The following TBC1D14 variants were observed in gnomAD, a reference collection of about 807,000 sequenced individuals.
TBC1D14 encodes the protein TBC1 domain family member 14, also known as TBC1 domain family, member 14.
In TBC1D14, 26 loss-of-function variants were observed where a neutral mutation model predicts 79.0. The ratio of observed to expected loss-of-function variants is 0.33; its 90% confidence interval spans 0.24 to 0.46. The LOEUF is 0.46. TBC1D14 is among the 20% of genes least tolerant of loss of function. The pLI is 1.00. For missense variants in TBC1D14, 769 were observed against 887.6 expected (o/e 0.87, Z 1.70); for synonymous variants, 394 against 349.9 (o/e 1.13, Z -1.40).
Position 6,994,444 on chromosome 4 carries a change from A to C in TBC1D14, c.962+142A>C, listed in dbSNP as rs931444137. On this transcript the variant is annotated intron_variant, in intron 4 of 13. Coordinates refer to ENST00000409757, the MANE Select transcript of TBC1D14 (RefSeq NM_020773.3). Reference sequence around the variant, plus strand: ...ATCACTTCTTATTCTCTATATTAACATGTGTTCTGTAATTATATTAAATGA... The same window carrying C: ...ATCACTTCTTATTCTCTATATTAACCTGTGTTCTGTAATTATATTAAATGA... 3 of 715,810 alleles carry C rather than the reference A, an allele frequency of 4.2e-6. No individual in the cohort carries two copies. In the Admixed American group the frequency reaches 6.9e-5, roughly 16 times the overall value. The allele number at this position is 715,810 out of a possible 1,614,324, so 44.3% of individuals were successfully genotyped here. A position where few individuals can be genotyped will look rare whatever the true frequency, so the allele number is the denominator to read the frequency against.
chr4:6,998,890 G>C, intron 5 of TBC1D14, 195 bp from the exon 6 acceptor site: 1 of 568,034 alleles, frequency 1.8e-6, no homozygotes, highest in South Asian at 2.0e-5. Context: ...GTTAGACTTT[G>C]CAAGCTTACT....
chr4:6,949,334 AGGGTTTGGTTT>A (rs1713796818), intron 2 of TBC1D14, among the ~76,000 whole-genome samples: 1 of 152,122 alleles, frequency 6.6e-6, no homozygotes, highest in South Asian at 2.1e-4. Context: ...TAAATTTGCA[AGGGTTTGGTTT>A]GGGATTGCAT....
At chr4:6,921,497 A>G (rs761214956) in intron 1 of TBC1D14, among the ~76,000 whole-genome samples, 203 of 151,858 alleles carry the variant, frequency 1.3e-3, no homozygotes, top group Admixed American at 2.0e-3. Flanking sequence ...ATGAGCCACC[A>G]TGCCTGGTTA....
chr4:6,913,817 G>C (rs915142822), intron 1 of TBC1D14, among the ~76,000 whole-genome samples: 1 of 152,166 alleles, frequency 6.6e-6, no homozygotes, highest in African/African-American at 2.4e-5. Flanking sequence ...GAAACATTTT[G>C]CATTGAAAGT....
chr4:7,030,280 T>A, intron 13 of TBC1D14, 47 bp from the exon 14 acceptor site: 1 of 1,589,412 alleles, frequency 6.3e-7, no homozygotes, highest in Non-Finnish European at 8.6e-7. Flanking sequence ...TGTCAGGATC[T>A]GTGTGCGTGG....
intron 2 of TBC1D14, among the ~76,000 whole-genome samples, chr4:6,940,235 C>T (rs1712773133): frequency 6.6e-6 from 1 of 152,242 alleles, no homozygotes; most frequent in South Asian, 2.1e-4. Context: ...GGCTTGTGGC[C>T]ACCCCGTTGG....
intron 2 of TBC1D14, chr4:6,954,407 T>G: frequency 1.4e-6 from 1 of 717,180 alleles, no homozygotes; most frequent in Non-Finnish European, 2.6e-6. Context: ...GAGTCTTTCC[T>G]GCGTGTAGCT....
intron 9 of TBC1D14, chr4:7,007,587 G>T (rs568098226): frequency 1.6e-6 from 2 of 1,289,340 alleles, no homozygotes; most frequent in East Asian, 1.1e-4. Context: ...GAAAGAGAGG[G>T]AATCTACAAA....
rs1009479617 is a variant in TBC1D14 at position 7,031,517 on chromosome 4, G to A, written c.*1125G>A. On this transcript the variant is annotated 3_prime_UTR_variant, in exon 14 of 14. Coordinates refer to ENST00000409757, the MANE Select transcript of TBC1D14 (RefSeq NM_020773.3). ...CCCCATTTTAGCTGACTTTCCCAGG[G>A]TCGTTGGCAAATTTTTTGTTCTGTC... The A allele has an allele frequency of 5.9e-5, 9 of 152,272 alleles. No individual in the cohort carries two copies. The highest frequency in any genetic ancestry group is 2.2e-4 in the African/African-American group (9 of 41,472). The allele number at this position is 152,272 out of a possible 1,614,324, so 9.4% of individuals were successfully genotyped here.
At chr4:7,018,083 A>C (rs745797216) in intron 12 of TBC1D14, among the ~76,000 whole-genome samples, 5 of 152,182 alleles carry the variant, frequency 3.3e-5, no homozygotes, top group Admixed American at 6.5e-5. Flanking sequence ...ACTGAGGCCC[A>C]TGGTGTGAGG....
intron 3 of TBC1D14, among the ~76,000 whole-genome samples, chr4:6,972,572 A>C (rs1716319013): frequency 2.0e-5 from 3 of 152,122 alleles, no homozygotes; most frequent in Admixed American, 2.0e-4. Context: ...GTCACCCTCT[A>C]GGGCAAGCTT....
chr4:7,026,129 C>T (rs567504622), intron 13 of TBC1D14, among the ~76,000 whole-genome samples: 1 of 149,846 alleles, frequency 6.7e-6, no homozygotes, highest in South Asian at 2.2e-4. Flanking sequence ...ACCTCAGCCC[C>T]CCGAAATGTC....
intron 3 of TBC1D14, chr4:6,987,493 G>A (rs1717983312): frequency 1.3e-6 from 1 of 751,614 alleles, no homozygotes; most frequent in Non-Finnish European, 1.8e-6. Context: ...GTGCGGGTGT[G>A]CGAGCATCAC....
At position 7,024,904 on chromosome 4, in the gene TBC1D14, G is replaced by A. The variant is rs527964611; in HGVS notation, c.1758-100G>A. ...CTGGCCCCAGCTGTTGCCTGAAAGT[G>A]ACTAGGGGAGTGTTTTTCATGGAAT... On this transcript the variant is annotated intron_variant, in intron 12 of 13. Coordinates refer to ENST00000409757, the MANE Select transcript of TBC1D14 (RefSeq NM_020773.3). 2.1e-5 allele frequency: 32 copies of A among 1,522,068 alleles called. No homozygotes were observed. The East Asian group carries it at 7.0e-4, about 33-fold the overall frequency. 94.3% of individuals were successfully genotyped at this position (1,522,068 alleles called of 1,614,324 possible).
chr4:6,985,600 CAT>C (rs1029219081), intron 3 of TBC1D14, among the ~76,000 whole-genome samples: 4 of 152,126 alleles, frequency 2.6e-5, no homozygotes, highest in African/African-American at 7.2e-5. Flanking sequence ...GACAATAAAA[CAT>C]AATCTTTGGG....
intron 2 of TBC1D14, among the ~76,000 whole-genome samples, chr4:6,926,590 A>G (rs914396401): frequency 1.2e-4 from 19 of 152,356 alleles, no homozygotes; most frequent in Middle Eastern, 3.4e-3. Flanking sequence ...ATAATGAAAA[A>G]TGACTTAAAA....
In TBC1D14 at chr4:6,923,852, T is replaced by G. The variant is rs1359093178; in HGVS notation, c.463T>G (p.Ser155Ala). The G allele has an allele frequency of 6.2e-7, 1 of 1,614,070 alleles. No homozygotes were observed. Among genetic ancestry groups the G allele is most frequent in the Non-Finnish European group, 8.5e-7 (1 of 1,180,064 alleles). The change falls in exon 2 of 14, where the codon TCC becomes GCC. Residue 155 changes from serine (S) to alanine (A), a missense_variant. Transcript: ENST00000409757. Reference protein sequence around the residue: ...SKALTRSDDVSVCSVSSLGTE... With the variant: ...SKALTRSDDVAVCSVSSLGTE... ...AGCCCTGACCCGCAGCGATGATGTCTCCGTCTGCAGCGTGTCCAGTCTTGG... is the reference window on the plus strand; with the variant it reads ...AGCCCTGACCCGCAGCGATGATGTCGCCGTCTGCAGCGTGTCCAGTCTTGG...
intron 5 of TBC1D14, among the ~76,000 whole-genome samples, chr4:6,998,473 G>A (rs1285695101): frequency 5.3e-5 from 8 of 152,148 alleles, no homozygotes; most frequent in Non-Finnish European, 7.4e-5. Flanking sequence ...AGTAACGTTC[G>A]GTTGTTTTGA....
In TBC1D14 at chr4:6,916,075, G is replaced by A. The variant is rs553104190; in HGVS notation, c.-18+6124G>A. Among the ~76,000 whole-genome samples, 249 of 150,962 alleles carry A rather than the reference G, an allele frequency of 1.6e-3. 2 individuals carry two copies. The highest frequency in any genetic ancestry group is 5.8e-3 in the African/African-American group (236 of 41,024). On this transcript the variant is annotated intron_variant, in intron 1 of 13. Coordinates refer to ENST00000409757, the MANE Select transcript of TBC1D14 (RefSeq NM_020773.3). Reference sequence around the variant, plus strand: ...CAGGAGGCAGAGGTTGCAGTGAGCCGAGATTGTGCCACTGCGCTCCAGCCT... The same window carrying A: ...CAGGAGGCAGAGGTTGCAGTGAGCCAAGATTGTGCCACTGCGCTCCAGCCT...
Sources: gnomAD v4.1 joint callset for allele counts (sites outside exome capture counted in the v4.1 genomes callset) on GRCh38, gnomAD v4.1.1 for gene constraint, MANE v1.5 for transcripts, NCBI Gene and HGNC (gene_info 2026-07-23, HGNC 2026-07-21) for gene names.